TENT4A: variants seen among roughly 807,000 people sequenced by gnomAD.
The protein encoded by TENT4A is terminal nucleotidyltransferase 4A.
Under a neutral mutation model 72.8 loss-of-function variants are expected in TENT4A, and 7 were observed. The observed-to-expected ratio is 0.10, with a 90% CI of 0.05 to 0.18. The LOEUF is 0.18. Among genes scored for constraint, TENT4A ranks in the 10% least tolerant of loss-of-function variants. The pLI, the probability that TENT4A is intolerant of heterozygous loss-of-function variation, is 1.00. For missense variants in TENT4A, 831 were observed against 1,017.7 expected (o/e 0.82, Z 2.50); for synonymous variants, 456 against 434.3 (o/e 1.05, Z -0.62).
chr5:6,714,982 C>T (rs1561022700), intron 1 of TENT4A: 1 of 197,502 alleles, frequency 5.1e-6, no homozygotes, highest in Non-Finnish European at 1.0e-5. Flanking sequence ...AACGGGAAAT[C>T]GACTCTCTAC....
chr5:6,716,069 G>A (rs1740370662), intron 1 of TENT4A, among the ~76,000 whole-genome samples: 1 of 152,182 alleles, frequency 6.6e-6, no homozygotes, highest in African/African-American at 2.4e-5. Context: ...AAAACAGGAA[G>A]ACACGTGGTC....
chr5:6,715,976 C>T (rs1487074133), intron 1 of TENT4A, among the ~76,000 whole-genome samples: 2 of 152,130 alleles, frequency 1.3e-5, no homozygotes, highest in Non-Finnish European at 2.9e-5. Flanking sequence ...GCAATATATA[C>T]CTAAGGGCTC....
chr5:6,749,503 C>G, intron 8 of TENT4A, 54 bp from the exon 9 acceptor site: 1 of 1,194,432 alleles, frequency 8.4e-7, no homozygotes, highest in Non-Finnish European at 1.2e-6. Context: ...GAGGGGTTCT[C>G]AGCTCCCTGA....
At chr5:6,751,445 A>ACT in intron 11 of TENT4A, 1 of 274,388 alleles carries the variant, frequency 3.6e-6, no homozygotes, top group Non-Finnish European at 6.6e-6. Context: ...GGCCAGGTTG[A>ACT]CTGCCTTCCT....
rs749816727 is a variant in TENT4A at position 6,751,056 on chromosome 5, C to T, written c.1878C>T (p.Pro626=). ...SGSDVDSDTP[P]CTTPSVYQFS... ...GGTTCAAGGATTCAGACACACCGCC[C>T]TGCACAACGCCCAGTGTTTACCAGT... Residue 626 remains proline (P), a synonymous_variant, in exon 11 of 13, where the codon CCC becomes CCT. Transcript: ENST00000230859. 6.2e-7 allele frequency: 1 copy of T among 1,614,226 alleles called. No homozygotes were observed.
At chr5:6,747,936 C>A (rs1234663657) in intron 7 of TENT4A, among the ~76,000 whole-genome samples, 1 of 152,240 alleles carries the variant, frequency 6.6e-6, no homozygotes, top group Non-Finnish European at 1.5e-5. Context: ...CGTGAGAATT[C>A]ACATTCCATT....
intron 2 of TENT4A, among the ~76,000 whole-genome samples, chr5:6,738,325 T>G (rs1741618224): frequency 6.6e-6 from 1 of 152,194 alleles, no homozygotes; most frequent in African/African-American, 2.4e-5. Flanking sequence ...GATTTTTGGC[T>G]TTAAACTTCA....
intron 10 of TENT4A, 84 bp downstream of exon 10, chr5:6,750,587 C>A: frequency 7.6e-7 from 1 of 1,322,692 alleles, no homozygotes; most frequent in South Asian, 1.5e-5. Context: ...TAAAATCTCC[C>A]CCTTGGTTTT....
chr5:6,716,076 G>C (rs1261125394), intron 1 of TENT4A, among the ~76,000 whole-genome samples: 2 of 152,118 alleles, frequency 1.3e-5, no homozygotes, highest in African/African-American at 4.8e-5. Flanking sequence ...GAAGACACGT[G>C]GTCTCTGCCA....
intron 6 of TENT4A, among the ~76,000 whole-genome samples, chr5:6,745,397 G>A (rs1030309459): frequency 8.5e-5 from 13 of 152,284 alleles, no homozygotes; most frequent in Admixed American, 4.6e-4. Flanking sequence ...CTTTCGAGTT[G>A]GCACTGTCCG....
intron 1 of TENT4A, among the ~76,000 whole-genome samples, chr5:6,731,803 A>G (rs1579466691): frequency 6.6e-6 from 1 of 152,070 alleles, no homozygotes. Flanking sequence ...TTTGACCATC[A>G]CTTTGCTTAA....
chr5:6,717,562 A>G (rs947363883), intron 1 of TENT4A, among the ~76,000 whole-genome samples: 1 of 152,230 alleles, frequency 6.6e-6, no homozygotes, highest in Non-Finnish European at 1.5e-5. Flanking sequence ...AGCAGGTGAA[A>G]GAGGACAGGG....
intron 1 of TENT4A, among the ~76,000 whole-genome samples, chr5:6,720,594 T>G (rs1366143659): frequency 6.6e-6 from 1 of 151,938 alleles, no homozygotes; most frequent in Non-Finnish European, 1.5e-5. Flanking sequence ...GAGAATCCTT[T>G]GAACTGGAGA....
chr5:6,752,949 C>T lies in TENT4A; in HGVS notation c.2096C>T (p.Ala699Val), dbSNP rs763490183. Residue 699 changes from alanine (A) to valine (V), a missense_variant, in exon 12 of 13, where the codon GCG becomes GTG. Physicochemically the swap from Ala to Val is moderately conservative, Grantham distance 64. This residue lies in a region of TENT4A where 332 missense variants were observed against 324.3 expected (regional missense o/e 1.02). Coordinates refer to ENST00000230859, the MANE Select transcript of TENT4A (RefSeq NM_006999.6). ...AGACAAGCTGGTGTAGAAGGAACTG[C>T]GTCTTTGAAAGCCGTCCACCACATG... is the stretch of plus-strand genomic sequence containing the variant. ...PCRQAGVEGT[A>V]SLKAVHHMSS... 9.9e-6 allele frequency: 16 copies of T among 1,614,010 alleles called. No homozygotes were observed. The highest frequency in any genetic ancestry group is 3.3e-4 in the Middle Eastern group (2 of 6,084).
chr5:6,745,150 C>T (rs1742019058), intron 6 of TENT4A, among the ~76,000 whole-genome samples: 1 of 152,152 alleles, frequency 6.6e-6, no homozygotes. Flanking sequence ...ACCGGCCAGG[C>T]TCTTGGATAT....
At chr5:6,730,844 T>G (rs274698) in intron 1 of TENT4A, among the ~76,000 whole-genome samples, 54,879 of 150,712 alleles carry the variant, frequency 0.36, 10,004 homozygotes, top group South Asian at 0.46. Flanking sequence ...TAATCAAAAA[T>G]AAATAAAAAT....
chr5:6,743,841 G>A lies in TENT4A; in HGVS notation c.1245+1G>A. On this transcript the variant is annotated splice_donor_variant, in intron 6 of 12. Transcript: ENST00000230859. LOFTEE classifies it high-confidence loss of function. The stretch of plus-strand genomic sequence containing the variant: ...TTTAATGGCCATTAGCTTTCTACAG[G>A]TATGTATGCTTTCTTGAGACTGTTT... The A allele has an allele frequency of 6.2e-7, 1 of 1,613,246 alleles. No individual in the cohort carries two copies. The highest frequency in any genetic ancestry group is 8.5e-7 in the Non-Finnish European group (1 of 1,179,772).
Position 6,749,663 on chromosome 5 carries a change from A to G in TENT4A, c.1687+6A>G. 6.3e-7 allele frequency: 1 copy of G among 1,579,816 alleles called. No individual in the cohort carries two copies. Among genetic ancestry groups the G allele is most frequent in the Non-Finnish European group, 8.7e-7 (1 of 1,148,726 alleles). On this transcript the variant is annotated splice_donor_region_variant and intron_variant, in intron 9 of 12. Transcript: ENST00000230859. ...CCACCCGTCGCCAGGCATGGGTGAG[A>G]GATTAATTCATTTGTGTTCATCCTA...
intron 3 of TENT4A, 41 bp from the exon 4 acceptor site, chr5:6,739,691 G>C (rs774556640): frequency 1.2e-6 from 2 of 1,611,094 alleles, no homozygotes; most frequent in Admixed American, 3.3e-5. Flanking sequence ...TGTAGGCTGT[G>C]GCGAGGGGAG....
Sources: allele counts gnomAD v4.1 joint callset (sites outside exome capture counted in the v4.1 genomes callset), GRCh38; gene constraint gnomAD v4.1.1; regional missense constraint gnomAD v4.1.1; transcripts MANE v1.5; gene names NCBI Gene and HGNC (gene_info 2026-07-23, HGNC 2026-07-21).